The following ROBO1 variants were observed in gnomAD, a reference collection of about 807,000 sequenced individuals.
The protein encoded by ROBO1 is roundabout homolog 1.
ROBO1 carries 149 observed loss-of-function variants against 195.9 expected under a neutral mutation model. The ratio of observed to expected loss-of-function variants is 0.76; its 90% CI spans 0.67 to 0.87. The LOEUF is 0.87. Ranked by LOEUF, ROBO1 falls within the 40% of genes least tolerant of loss-of-function variation. The pLI is 0.00. For missense variants in ROBO1, 1,933 were observed against 2,068.3 expected, an observed-to-expected ratio of 0.93 and a Z score of 1.27; for synonymous variants, 816 against 733.2, an observed-to-expected ratio of 1.11 and a Z score of -1.82.
intron 1 of ROBO1, among the ~76,000 whole-genome samples, chr3:79,609,243 G>C (rs897680975): frequency 2.0e-5 from 3 of 150,492 alleles, no homozygotes; most frequent in African/African-American, 7.3e-5. Context: ...ACCACAAGTT[G>C]AATTGTTTGT....
At chr3:79,018,601 C>A (rs1478231620) in intron 3 of ROBO1, 5 of 1,475,796 alleles carry the variant, frequency 3.4e-6, no homozygotes, top group Non-Finnish European at 4.5e-6. Context: ...GTTTTCAGGG[C>A]AATTACTCGT....
chr3:78,743,263 G>A (rs999359179), intron 5 of ROBO1, among the ~76,000 whole-genome samples: 1 of 151,792 alleles, frequency 6.6e-6, no homozygotes, highest in Non-Finnish European at 1.5e-5. Flanking sequence ...CCCCTGAAAC[G>A]GCTCTTGTCA....
intron 1 of ROBO1, among the ~76,000 whole-genome samples, chr3:79,691,535 T>C (rs1017158107): frequency 1.3e-5 from 2 of 151,684 alleles, no homozygotes; most frequent in African/African-American, 4.8e-5. Flanking sequence ...CTATTTCAGA[T>C]AATAAATGTC....
intron 5 of ROBO1, among the ~76,000 whole-genome samples, chr3:78,726,033 C>T (rs1316097837): frequency 6.6e-6 from 1 of 151,920 alleles, no homozygotes; most frequent in East Asian, 1.9e-4. Flanking sequence ...TTTGGCTACA[C>T]AAATTCTTTT....
chr3:79,103,734 A>G (rs2079722692), intron 3 of ROBO1, among the ~76,000 whole-genome samples: 1 of 151,776 alleles, frequency 6.6e-6, no homozygotes, highest in Admixed American at 6.6e-5. Context: ...ATGCATATAC[A>G]GACACAAACA....
intron 18 of ROBO1, among the ~76,000 whole-genome samples, chr3:78,655,671 T>C (rs997274): frequency 0.26 from 38,853 of 152,108 alleles, 5,192 homozygotes; most frequent in African/African-American, 0.32. Context: ...TCTTTATGTA[T>C]AGCAATGAAG....
intron 2 of ROBO1, among the ~76,000 whole-genome samples, chr3:79,411,048 C>G (rs2037743601): frequency 6.6e-6 from 1 of 152,182 alleles, no homozygotes; most frequent in Non-Finnish European, 1.5e-5. Context: ...CATTTCCTCT[C>G]TCCAAACTGA....
intron 26 of ROBO1, among the ~76,000 whole-genome samples, chr3:78,619,328 A>T (rs1242049836): frequency 6.6e-6 from 1 of 151,968 alleles, no homozygotes; most frequent in African/African-American, 2.4e-5. Context: ...GCTAGGAGAG[A>T]TACAGCATGA....
intron 3 of ROBO1, among the ~76,000 whole-genome samples, chr3:79,043,200 G>T (rs2108339461): frequency 6.6e-6 from 1 of 152,076 alleles, no homozygotes; most frequent in South Asian, 2.1e-4. Flanking sequence ...GGAGGTTTGT[G>T]GATATTTAGC....
At chr3:78,805,553 G>A (rs1464149912) in intron 4 of ROBO1, among the ~76,000 whole-genome samples, 1 of 151,572 alleles carries the variant, frequency 6.6e-6, no homozygotes, top group Non-Finnish European at 1.5e-5. Flanking sequence ...ATATAAATAG[G>A]GTTTAGAGTT....
intron 3 of ROBO1, among the ~76,000 whole-genome samples, chr3:79,034,452 G>A (rs2078348643): frequency 6.6e-6 from 1 of 152,054 alleles, no homozygotes; most frequent in Admixed American, 6.6e-5. Context: ...GAACGAAGGA[G>A]GGAAACCATT....
intron 4 of ROBO1, among the ~76,000 whole-genome samples, chr3:78,807,996 C>G (rs1447923689): frequency 1.3e-5 from 2 of 152,068 alleles, no homozygotes; most frequent in Admixed American, 6.5e-5. Context: ...AATAATGAAG[C>G]CCTCATGATG....
At position 79,226,077 on chromosome 3, in the gene ROBO1, T is replaced by C. The variant is rs561051421; in HGVS notation, c.89-100538A>G. Among the ~76,000 whole-genome samples, 7 of 152,320 alleles carry C rather than the reference T, an allele frequency of 4.6e-5. No homozygotes were observed. In the East Asian group the frequency reaches 1.3e-3, roughly 29 times the overall value. ...TAAGAAAACCATTTTTTTAACCTCATATGAACACTGTCCACTTTATCTAGT... is the reference window on the plus strand; with the variant it reads ...TAAGAAAACCATTTTTTTAACCTCACATGAACACTGTCCACTTTATCTAGT... On this transcript the variant is annotated intron_variant, in intron 2 of 30. Coordinates refer to ENST00000464233, the MANE Select transcript of ROBO1 (RefSeq NM_002941.4).
At position 78,913,743 on chromosome 3, in the gene ROBO1, A is replaced by C. The variant is rs557918446; in HGVS notation, c.499+24858T>G. ...ATTAAACTTTGAAATAAAAAGAATAAAGAGAAGCAAGTAGAGATTAAAGAA... is the reference window on the plus strand; with the variant it reads ...ATTAAACTTTGAAATAAAAAGAATACAGAGAAGCAAGTAGAGATTAAAGAA... On this transcript the variant is annotated intron_variant, in intron 4 of 30. Transcript: ENST00000464233. 2.0e-5 allele frequency among the ~76,000 whole-genome samples: 3 copies of C among 152,294 alleles called. No individual in the cohort carries two copies. In the South Asian group the frequency reaches 6.2e-4, roughly 32 times the overall value.
rs551183359 is a variant in ROBO1, at chr3:78,803,650, A to C, written c.500-56750T>G. ...AGTTCCATGAAACAACAAATTCATG[A>C]TAACTTGTTCTTCACTTTTTTCCTG... On this transcript the variant is annotated intron_variant, in intron 4 of 30. Coordinates refer to ENST00000464233, the MANE Select transcript of ROBO1 (RefSeq NM_002941.4). Among the ~76,000 whole-genome samples, 3 of 152,264 alleles carry C rather than the reference A, an allele frequency of 2.0e-5. No individual in the cohort carries two copies. The South Asian group carries it at 6.2e-4, about 32-fold the overall frequency.
chr3:78,796,502 A>C (rs1319378979), intron 4 of ROBO1, among the ~76,000 whole-genome samples: 1 of 135,416 alleles, frequency 7.4e-6, no homozygotes, highest in Non-Finnish European at 1.6e-5. Context: ...CCAGCTGGAA[A>C]TCCTCATTTC....
At chr3:78,992,332 T>G (rs2077257790) in intron 3 of ROBO1, among the ~76,000 whole-genome samples, 1 of 152,068 alleles carries the variant, frequency 6.6e-6, no homozygotes, top group Admixed American at 6.6e-5. Flanking sequence ...AAAGGTAGTA[T>G]TTATCTGAAG....
intron 4 of ROBO1, among the ~76,000 whole-genome samples, chr3:78,839,941 T>C (rs2033063063): frequency 6.6e-6 from 1 of 152,180 alleles, no homozygotes; most frequent in Non-Finnish European, 1.5e-5. Context: ...AGTGAACAAA[T>C]GATAACAAAA....
chr3:79,753,697 A>C (rs1322612540), intron 1 of ROBO1, among the ~76,000 whole-genome samples: 1 of 152,196 alleles, frequency 6.6e-6, no homozygotes, highest in Non-Finnish European at 1.5e-5. Flanking sequence ...ATCCTAACAG[A>C]AAAGCTTTAT....
Sources: allele counts gnomAD v4.1 joint callset (sites outside exome capture counted in the v4.1 genomes callset), GRCh38; gene constraint gnomAD v4.1.1; transcripts MANE v1.5; gene names NCBI Gene and HGNC (gene_info 2026-07-23, HGNC 2026-07-21).